The following UTRN variants were observed in gnomAD, a reference collection of about 807,000 sequenced individuals.
UTRN encodes the protein dystrophin-related protein 1.
In UTRN, 283 loss-of-function variants were observed where a neutral mutation model predicts 463.9. The ratio of observed to expected loss-of-function variants is 0.61; its 90% CI spans 0.55 to 0.67. The LOEUF is 0.67. Among genes scored for constraint, UTRN ranks in the 30% least tolerant of loss-of-function variants. The pLI is 0.00. For synonymous variants in UTRN, 1,442 were observed against 1,431.5 expected, an observed-to-expected ratio of 1.01 and a Z score of -0.17; for missense variants, 3,922 against 4,084.3, an observed-to-expected ratio of 0.96 and a Z score of 1.08.
chr6:144,595,928 A>C (rs6938455), intron 51 of UTRN, among the ~76,000 whole-genome samples: 24,441 of 152,142 alleles, frequency 0.16, 2,169 homozygotes, highest in South Asian at 0.28. Flanking sequence ...AGATTGCTTC[A>C]TTACATGGCC....
At chr6:144,495,388 C>T (rs1211207521) in intron 33 of UTRN, among the ~76,000 whole-genome samples, 1 of 152,238 alleles carries the variant, frequency 6.6e-6, no homozygotes, top group Non-Finnish European at 1.5e-5. Flanking sequence ...AGCCGCTGGC[C>T]CGGTGCTAAG....
chr6:144,385,730 A>G (rs1358320907), intron 2 of UTRN, among the ~76,000 whole-genome samples: 1 of 149,248 alleles, frequency 6.7e-6, no homozygotes, highest in Admixed American at 6.7e-5. Flanking sequence ...TTCTTTTGAG[A>G]CGGAGTCTTG....
In UTRN at chr6:144,515,679, A is replaced by G. The variant is rs148711922; in HGVS notation, c.5245-550A>G. Among the ~76,000 whole-genome samples, 7 of 152,330 alleles carry G rather than the reference A, an allele frequency of 4.6e-5. No homozygotes were observed. The East Asian group carries it at 9.6e-4, about 21-fold the overall frequency. The stretch of plus-strand genomic sequence containing the variant: ...CCAACCCCAGATGGTATTTATCTGC[A>G]TTTAGTTTTATTAAAATTGTTTTAT... On this transcript the variant is annotated intron_variant, in intron 37 of 74. Transcript: ENST00000367545.
intron 51 of UTRN, among the ~76,000 whole-genome samples, chr6:144,672,585 T>C (rs112498037): frequency 1.3e-5 from 2 of 152,236 alleles, no homozygotes; most frequent in African/African-American, 4.8e-5. Context: ...GTTAATGGTC[T>C]ATCAGTTTTA....
At chr6:144,470,433 G>A (rs182172243) in intron 23 of UTRN, among the ~76,000 whole-genome samples, 35 of 151,912 alleles carry the variant, frequency 2.3e-4, no homozygotes, top group South Asian at 4.2e-4. Context: ...AGACGGGGTC[G>A]CGGCCGGGCA....
chr6:144,718,025 C>T (rs1044452170), intron 53 of UTRN, among the ~76,000 whole-genome samples: 12 of 152,070 alleles, frequency 7.9e-5, no homozygotes, highest in East Asian at 1.9e-4. Context: ...TTCCTGCAAA[C>T]GGAGGGCTTT....
chr6:144,377,008 A>G (rs1485442040), intron 2 of UTRN, among the ~76,000 whole-genome samples: 5 of 152,112 alleles, frequency 3.3e-5, no homozygotes, highest in Non-Finnish European at 1.5e-5. Flanking sequence ...TGTGACTATT[A>G]TATATTTTTC....
At chr6:144,561,256 T>C (rs112384492) in intron 50 of UTRN, among the ~76,000 whole-genome samples, 36,693 of 75,630 alleles carry the variant, frequency 0.49, 7,810 homozygotes, top group East Asian at 0.68. Context: ...TATATATATA[T>C]ATATACATAC....
intron 51 of UTRN, among the ~76,000 whole-genome samples, chr6:144,603,235 G>C (rs2128637692): frequency 6.6e-6 from 1 of 152,098 alleles, no homozygotes; most frequent in Non-Finnish European, 1.5e-5. Flanking sequence ...ATCTTATAAG[G>C]TTGCAATGAA....
chr6:144,296,457 C>T (rs1298329941), intron 2 of UTRN, among the ~76,000 whole-genome samples: 2 of 152,226 alleles, frequency 1.3e-5, no homozygotes, highest in African/African-American at 4.8e-5. Flanking sequence ...GGGACTGCTG[C>T]ACTTTAATTA....
intron 2 of UTRN, among the ~76,000 whole-genome samples, chr6:144,401,348 C>T (rs958140289): frequency 1.3e-5 from 2 of 152,108 alleles, no homozygotes; most frequent in African/African-American, 4.8e-5. Flanking sequence ...TATATCCCCC[C>T]TTCAGGTTGA....
intron 2 of UTRN, among the ~76,000 whole-genome samples, chr6:144,302,770 AAG>A (rs1416445561): frequency 6.6e-6 from 1 of 152,178 alleles, no homozygotes; most frequent in Non-Finnish European, 1.5e-5. Flanking sequence ...AGGTTTGAGT[AAG>A]AGAGCGTGAA....
intron 51 of UTRN, among the ~76,000 whole-genome samples, chr6:144,583,013 T>C (rs528603121): frequency 2.0e-5 from 3 of 152,298 alleles, no homozygotes; most frequent in Non-Finnish European, 2.9e-5. Flanking sequence ...TATCCCTCTT[T>C]AGAGACGGTG....
intron 34 of UTRN, among the ~76,000 whole-genome samples, chr6:144,502,235 CT>C (rs1416932598): frequency 1.3e-5 from 2 of 150,662 alleles, no homozygotes; most frequent in African/African-American, 4.9e-5. Flanking sequence ...TAATTATTCA[CT>C]TTTTTTTTCT....
At chr6:144,606,274 G>T (rs1804839014) in intron 51 of UTRN, among the ~76,000 whole-genome samples, 1 of 152,150 alleles carries the variant, frequency 6.6e-6, no homozygotes, top group African/African-American at 2.4e-5. Context: ...GCTTATCCAT[G>T]CACAGATGTA....
intron 34 of UTRN, among the ~76,000 whole-genome samples, chr6:144,509,021 T>G (rs769532403): frequency 6.6e-6 from 1 of 152,214 alleles, no homozygotes; most frequent in Non-Finnish European, 1.5e-5. Context: ...ATGCTTCATT[T>G]TTGGTATATA....
chr6:144,434,156 C>T (rs1786281312), intron 9 of UTRN, among the ~76,000 whole-genome samples: 1 of 152,260 alleles, frequency 6.6e-6, no homozygotes, highest in South Asian at 2.1e-4. Flanking sequence ...GCCCGGCCAA[C>T]ACAGCGAAAC....
At chr6:144,660,213 G>A (rs1212994579) in intron 51 of UTRN, 2 of 470,970 alleles carry the variant, frequency 4.2e-6, no homozygotes, top group Non-Finnish European at 8.8e-6. Context: ...AGGCTTCAAG[G>A]GCTACTGGAC....
chr6:144,600,850 C>T (rs551489148), intron 51 of UTRN, among the ~76,000 whole-genome samples: 1 of 152,322 alleles, frequency 6.6e-6, no homozygotes, highest in South Asian at 2.1e-4. Flanking sequence ...AACTTCGAAG[C>T]TTCAAATGAC....
Sources: allele counts gnomAD v4.1 joint callset (sites outside exome capture counted in the v4.1 genomes callset), GRCh38; gene constraint gnomAD v4.1.1; transcripts MANE v1.5; gene names NCBI Gene and HGNC (gene_info 2026-07-23, HGNC 2026-07-21).